The following UBAP2 variants were observed in gnomAD, a reference collection of about 807,000 sequenced individuals.
UBAP2 encodes ubiquitin associated protein 2, also known as ubiquitin-associated protein 2.
Under a neutral mutation model 139.6 loss-of-function variants are expected in UBAP2, and 75 were observed. The ratio of observed to expected loss-of-function variants is 0.54; its 90% CI spans 0.45 to 0.65. UBAP2 has a LOEUF of 0.65. Ranked by LOEUF, UBAP2 falls within the 30% of genes least tolerant of loss-of-function variation. The pLI is 0.00. For missense variants in UBAP2, 1,368 were observed against 1,369.6 expected (o/e 1.00, Z 0.02); for synonymous variants, 526 against 526.2 (o/e 1.00, Z 0.01).
At chr9:33,985,926 T>C (rs1453057453) in intron 6 of UBAP2, among the ~76,000 whole-genome samples, 3 of 151,792 alleles carry the variant, frequency 2.0e-5, no homozygotes, top group South Asian at 2.1e-4. Flanking sequence ...GGAGGGTAAG[T>C]AGGAGGATTG....
chr9:33,988,676 C>T (rs909354770), intron 5 of UBAP2, among the ~76,000 whole-genome samples: 3 of 152,224 alleles, frequency 2.0e-5, no homozygotes, highest in Non-Finnish European at 4.4e-5. Context: ...CAACCACCTG[C>T]CTACAGCCCA....
chr9:33,972,299 A>G (rs952909763), intron 7 of UBAP2, among the ~76,000 whole-genome samples: 4 of 152,240 alleles, frequency 2.6e-5, no homozygotes, highest in African/African-American at 9.6e-5. Flanking sequence ...CAAAACAAAT[A>G]TTACCTTTAA....
At chr9:34,042,127 T>G (rs964566471) in intron 1 of UBAP2, among the ~76,000 whole-genome samples, 1 of 151,870 alleles carries the variant, frequency 6.6e-6, no homozygotes, top group African/African-American at 2.4e-5. Flanking sequence ...AGACTGAAAA[T>G]GGGCACTATT....
rs140194238 is a variant in UBAP2, at chr9:33,923,286, G to A, written c.2904C>T (p.Asp968=). ...CTGCTGCTGTCCCCTGGGTCAGGTC[G>A]TCATAACCTAGCGTGGCAGGGTACA... ...YGQHGYSTGY[D]DLTQGTAAGD... The change falls in exon 26 of 29, where the codon GAC becomes GAT. Residue 968 remains aspartate (D), a synonymous_variant. Coordinates refer to ENST00000379238, the MANE Select transcript of UBAP2 (RefSeq NM_001370062.2). 570 of 1,614,184 alleles carry A rather than the reference G, an allele frequency of 3.5e-4. 1 individual carries two copies. The African/African-American group carries it at 5.9e-3, about 17-fold the overall frequency.
chr9:34,024,368 T>C (rs557233302), intron 1 of UBAP2, among the ~76,000 whole-genome samples: 1 of 152,100 alleles, frequency 6.6e-6, no homozygotes, highest in East Asian at 1.9e-4. Flanking sequence ...AGCAAATACA[T>C]TCTTTGAAAA....
rs530490659 is a variant in UBAP2, at chr9:33,973,118, G to A, written c.575+65C>T. ...TGACTAAATTAGATGTAGGGTATTA[G>A]AAGCAACTGCAGAATAAAAACTAGG... On this transcript the variant is annotated intron_variant, in intron 7 of 28. Transcript: ENST00000379238. The A allele has an allele frequency of 3.3e-4, 484 of 1,446,566 alleles. 1 individual carries two copies. The African/African-American group carries it at 6.0e-3, about 18-fold the overall frequency. The allele number at this position is 1,446,566 out of a possible 1,614,324, so 89.6% of individuals were successfully genotyped here.
At chr9:34,012,754 A>C (rs184083161) in intron 2 of UBAP2, among the ~76,000 whole-genome samples, 75 of 152,202 alleles carry the variant, frequency 4.9e-4, no homozygotes, top group Admixed American at 8.5e-4. Flanking sequence ...ATGTGACAGA[A>C]ATGTTAAAAT....
At position 33,935,822 on chromosome 9, in the gene UBAP2, C is replaced by T. The variant is rs1312767606; in HGVS notation, c.1969+17G>A. The T allele has an allele frequency of 6.8e-6, 11 of 1,614,036 alleles. No homozygotes were observed. The highest frequency in any genetic ancestry group is 4.0e-5 in the African/African-American group (3 of 74,942). On this transcript the variant is annotated intron_variant, in intron 17 of 28. Coordinates refer to ENST00000379238, the MANE Select transcript of UBAP2 (RefSeq NM_001370062.2). ...TTGGCACCAGCCATGACAAGAGTAG[C>T]TTGCTGCTATACTTACTGTCTAGTG...
intron 2 of UBAP2, among the ~76,000 whole-genome samples, chr9:34,014,346 AAAG>A (rs1274478678): frequency 2.7e-5 from 4 of 149,658 alleles, no homozygotes; most frequent in Non-Finnish European, 4.5e-5. Flanking sequence ...AAAAAAAAAA[AAAG>A]GTCAGGTGCG....
intron 15 of UBAP2, 29 bp from the exon 16 acceptor site, chr9:33,941,891 A>G: frequency 6.5e-7 from 1 of 1,530,578 alleles, no homozygotes; most frequent in East Asian, 2.3e-5. Flanking sequence ...ATTCAACATA[A>G]TTTTGTTACT....
intron 1 of UBAP2, among the ~76,000 whole-genome samples, chr9:34,026,332 A>G (rs942507104): frequency 6.6e-6 from 1 of 152,218 alleles, no homozygotes; most frequent in Non-Finnish European, 1.5e-5. Context: ...CTCAGCTACT[A>G]CATCAAATAA....
chr9:34,015,234 C>T (rs956539621), intron 2 of UBAP2, among the ~76,000 whole-genome samples: 20 of 152,162 alleles, frequency 1.3e-4, no homozygotes, highest in Non-Finnish European at 2.6e-4. Context: ...AGGTACTGTG[C>T]TTAGCACTTA....
chr9:33,971,705 C>T lies in UBAP2; in HGVS notation c.625G>A (p.Gly209Arg). ...GCTTCCCAAACTACTAGCTTTGTCC[C>T]ACACACATCTGTAGATGTAGAATCT... ...YSDSTSTDVC[G>R]TKLVVWEAAQ... The change falls in exon 8 of 29, where the codon GGG becomes AGG. Residue 209 changes from glycine (G) to arginine (R), a missense_variant. Coordinates refer to ENST00000379238, the MANE Select transcript of UBAP2 (RefSeq NM_001370062.2). 6.2e-7 allele frequency: 1 copy of T among 1,612,980 alleles called. No individual in the cohort carries two copies. The highest frequency in any genetic ancestry group is 8.5e-7 in the Non-Finnish European group (1 of 1,178,938).
intron 9 of UBAP2, among the ~76,000 whole-genome samples, chr9:33,962,927 C>T (rs1012268674): frequency 4.7e-5 from 7 of 150,172 alleles, no homozygotes; most frequent in Admixed American, 1.3e-4. Flanking sequence ...TGCAGTGAGC[C>T]GAGATCGCAC....
chr9:33,974,413 C>T (rs12003534), intron 6 of UBAP2, among the ~76,000 whole-genome samples: 15,551 of 151,746 alleles, frequency 0.1, 901 homozygotes, highest in African/African-American at 0.14. Flanking sequence ...AGGCTGAAGT[C>T]GAAGGATTGC....
At position 33,927,829 on chromosome 9, in the gene UBAP2, C is replaced by G. The variant is rs747218048; in HGVS notation, c.2339G>C (p.Ser780Thr). 6.2e-7 allele frequency: 1 copy of G among 1,613,832 alleles called. No individual in the cohort carries two copies. Among genetic ancestry groups the G allele is most frequent in the Non-Finnish European group, 8.5e-7 (1 of 1,179,904 alleles). Reference protein sequence around the residue: ...LGGTPASASSSSSRAAPLVTS... With the variant: ...LGGTPASASSTSSRAAPLVTS... ...CACCAAGGGCGCGGCCCTGCTACTG[C>G]TGCTGGATGCACTCGCGGGGGTCCC... Residue 780 changes from serine (S) to threonine (T), a missense_variant, in exon 20 of 29, where the codon AGC becomes ACC. Transcript: ENST00000379238.
chr9:33,950,361 G>A (rs948931106), intron 12 of UBAP2, among the ~76,000 whole-genome samples: 12 of 152,118 alleles, frequency 7.9e-5, no homozygotes, highest in Non-Finnish European at 1.5e-4. Flanking sequence ...ATGAGCCACC[G>A]TGCCTGGCCC....
chr9:33,970,574 G>A (rs1267112667), intron 8 of UBAP2, among the ~76,000 whole-genome samples: 3 of 135,194 alleles, frequency 2.2e-5, no homozygotes, highest in African/African-American at 9.1e-5. Flanking sequence ...GGGACCACAG[G>A]TGCACACCAC....
chr9:33,939,852 GGGAGGGGGAGGAGGAGGAGGAGGGGA>G, intron 16 of UBAP2, among the ~76,000 whole-genome samples: 1 of 2,658 alleles, frequency 3.8e-4, no homozygotes, highest in South Asian at 0.033. Flanking sequence ...GGGGAGGAGG[GGGAGGGGGAGGAGGAGGAGGAGGGGA>G]GGAGGAGGAG....
Sources: gnomAD v4.1 joint callset for allele counts (sites outside exome capture counted in the v4.1 genomes callset) on GRCh38, gnomAD v4.1.1 for gene constraint, MANE v1.5 for transcripts, NCBI Gene and HGNC (gene_info 2026-07-23, HGNC 2026-07-21) for gene names.